Variants in ACSS3 observed in about 807,000 individuals in gnomAD.
ACSS3 encodes the protein acyl-CoA synthetase short chain family member 3.
ACSS3 carries 64 observed loss-of-function variants against 84.2 expected under a neutral mutation model. The observed-to-expected ratio is 0.76, with a 90% CI of 0.62 to 0.94. ACSS3 has a LOEUF of 0.94. Among genes scored for constraint, ACSS3 ranks in the 40% least tolerant of loss-of-function variants. The probability of loss-of-function intolerance (pLI) is 0.00; values close to 1 mark genes in which losing one functional copy is unlikely to be tolerated. For missense variants in ACSS3, 815 were observed against 867.6 expected (o/e 0.94, Z 0.76); for synonymous variants, 317 against 310.1 (o/e 1.02, Z -0.23).
intron 8 of ACSS3, among the ~76,000 whole-genome samples, chr12:81,175,255 A>G (rs1354285840): frequency 6.6e-6 from 1 of 152,188 alleles, no homozygotes; most frequent in Non-Finnish European, 1.5e-5. Context: ...ATAGATGGAT[A>G]CAGATGTACT....
intron 2 of ACSS3, among the ~76,000 whole-genome samples, chr12:81,112,761 G>A (rs1196499404): frequency 2.0e-5 from 3 of 152,148 alleles, no homozygotes; most frequent in South Asian, 2.1e-4. Flanking sequence ...ACGAAAAGAA[G>A]TGCCTTTGTA....
intron 1 of ACSS3, among the ~76,000 whole-genome samples, chr12:81,092,532 G>A (rs909604891): frequency 6.6e-6 from 1 of 152,142 alleles, no homozygotes; most frequent in Non-Finnish European, 1.5e-5. Context: ...TTGGTGAACA[G>A]TGGCCATTTT....
chr12:81,259,363 TGCCTAGTATATTACAATAAA>T lies in ACSS3; in HGVS notation c.*4442_*4461del. ...AAAGAAATGCACGGTAATACATAAA[TGCCTAGTATATTACAATAAA>T]ACATGAAAAACAACTGGCTTCATTT... On this transcript the variant is annotated 3_prime_UTR_variant, in exon 16 of 16. Coordinates refer to ENST00000548058, the MANE Select transcript of ACSS3 (RefSeq NM_024560.4). The T allele has an allele frequency of 1.7e-6, 1 of 579,666 alleles. No individual in the cohort carries two copies. The highest frequency in any genetic ancestry group is 3.2e-6 in the Non-Finnish European group (1 of 316,380). The allele number at this position is 579,666 out of a possible 1,614,324, so 35.9% of individuals were successfully genotyped here. A position where few individuals can be genotyped will look rare whatever the true frequency, so the allele number is the denominator to read the frequency against.
chr12:81,141,816 C>T (rs1184720421), intron 4 of ACSS3, among the ~76,000 whole-genome samples: 1 of 152,104 alleles, frequency 6.6e-6, no homozygotes, highest in Non-Finnish European at 1.5e-5. Flanking sequence ...ATGATTTGGT[C>T]ATAGTCAACT....
rs376580084 is a variant in ACSS3, at chr12:81,139,279, T to C, written c.780+14T>C. ...CGTCCAAATATGGTAATCTGAATATTGAATTTGGTTCTTGCTTATGGTAAT... is the reference window on the plus strand; with the variant it reads ...CGTCCAAATATGGTAATCTGAATATCGAATTTGGTTCTTGCTTATGGTAAT... On this transcript the variant is annotated intron_variant, in intron 4 of 15. Coordinates refer to ENST00000548058, the MANE Select transcript of ACSS3 (RefSeq NM_024560.4). 5 of 1,613,100 alleles carry C rather than the reference T, an allele frequency of 3.1e-6. No homozygotes were observed. Among genetic ancestry groups the C allele is most frequent in the Non-Finnish European group, 4.2e-6 (5 of 1,179,402 alleles).
intron 2 of ACSS3, among the ~76,000 whole-genome samples, chr12:81,114,950 C>T (rs1883913706): frequency 6.6e-6 from 1 of 152,242 alleles, no homozygotes; most frequent in African/African-American, 2.4e-5. Context: ...GCTATTCAGA[C>T]ATCTAAAGGT....
chr12:81,253,770 C>T, intron 15 of ACSS3, 100 bp downstream of exon 15: 3 of 1,216,866 alleles, frequency 2.5e-6, no homozygotes, highest in Non-Finnish European at 3.5e-6. Context: ...ATGTGAATTG[C>T]ATCTCTAGAA....
chr12:81,174,625 T>G, intron 7 of ACSS3, 163 bp from the exon 8 acceptor site: 1 of 679,044 alleles, frequency 1.5e-6, no homozygotes, highest in Non-Finnish European at 2.3e-6. Flanking sequence ...TGCCTGGGTA[T>G]TTGGTTTGCT....
chr12:81,118,801 G>A (rs1315168273), intron 2 of ACSS3, among the ~76,000 whole-genome samples: 1 of 152,178 alleles, frequency 6.6e-6, no homozygotes, highest in African/African-American at 2.4e-5. Context: ...GATTTAGGCA[G>A]TGGGGCCATA....
At chr12:81,235,277 T>C (rs1450298354) in intron 13 of ACSS3, among the ~76,000 whole-genome samples, 3 of 151,186 alleles carry the variant, frequency 2.0e-5, no homozygotes, top group African/African-American at 7.3e-5. Context: ...TTCATTGATC[T>C]ATGTTTTTTT....
intron 7 of ACSS3, among the ~76,000 whole-genome samples, chr12:81,152,474 T>G (rs1425165303): frequency 6.6e-6 from 1 of 152,162 alleles, no homozygotes; most frequent in African/African-American, 2.4e-5. Flanking sequence ...CAAAGTCATG[T>G]TGTCTCAATT....
At chr12:81,086,753 C>A (rs958371974) in intron 1 of ACSS3, among the ~76,000 whole-genome samples, 1 of 152,012 alleles carries the variant, frequency 6.6e-6, no homozygotes. Flanking sequence ...ATTCTACTTT[C>A]ATAAGCAACA....
intron 9 of ACSS3, among the ~76,000 whole-genome samples, chr12:81,202,198 G>A (rs1318738312): frequency 1.4e-4 from 22 of 152,058 alleles, no homozygotes. Flanking sequence ...AGAATGGCAT[G>A]AACCTGGGAA....
In ACSS3 at chr12:81,250,065, T is replaced by A. The variant is rs183221182; in HGVS notation, c.1720-3242T>A. On this transcript the variant is annotated intron_variant, in intron 13 of 15. Coordinates refer to ENST00000548058, the MANE Select transcript of ACSS3 (RefSeq NM_024560.4). ...TGCCTTTTAAGTTCCATGACTTTTT[T>A]AGGTACTTAAATGCCAGTTAATCAC... Among the ~76,000 whole-genome samples the A allele has an allele frequency of 2.3e-3, 350 of 152,212 alleles. 3 individuals carry two copies. Among genetic ancestry groups the A allele is most frequent in the African/African-American group, 7.9e-3 (328 of 41,558 alleles).
intron 8 of ACSS3, among the ~76,000 whole-genome samples, chr12:81,198,875 A>G (rs1191733885): frequency 6.6e-6 from 1 of 152,230 alleles, no homozygotes; most frequent in Admixed American, 6.5e-5. Context: ...TCTTTATCAT[A>G]GGATCTCACA....
chr12:81,179,296 G>GA lies in ACSS3; in HGVS notation c.1250+4367dup, dbSNP rs1269398997. 2.8e-4 allele frequency among the ~76,000 whole-genome samples: 32 copies of GA among 115,942 alleles called. 1 individual carries two copies. The highest frequency in any genetic ancestry group is 5.8e-3 in the Middle Eastern group (1 of 172). 76.1% of individuals were successfully genotyped at this position (115,942 alleles called of 152,430 possible). On this transcript the variant is annotated intron_variant, in intron 8 of 15. Transcript: ENST00000548058. ...CAAAAAAAAAAAAAAAAAAGAAAAA[G>GA]AAAAAAAAAACACAAAAAAAACCCA... is the stretch of plus-strand genomic sequence containing the variant.
chr12:81,105,606 A>G (rs1882921356), intron 1 of ACSS3, among the ~76,000 whole-genome samples: 1 of 152,120 alleles, frequency 6.6e-6, no homozygotes, highest in South Asian at 2.1e-4. Flanking sequence ...TTCCCTAGTT[A>G]CTCTGTCTGG....
intron 8 of ACSS3, among the ~76,000 whole-genome samples, chr12:81,198,653 AT>A (rs2031960277): frequency 6.6e-6 from 1 of 151,482 alleles, no homozygotes; most frequent in African/African-American, 2.4e-5. Context: ...GGTCAACACA[AT>A]TGTATTTTCC....
At position 81,259,271 on chromosome 12, in the gene ACSS3, T is replaced by C. The variant is rs985301832; in HGVS notation, c.*4349T>C. 1 of 325,900 alleles carries C rather than the reference T, an allele frequency of 3.1e-6. No individual in the cohort carries two copies. Among genetic ancestry groups the C allele is most frequent in the South Asian group, 2.8e-5 (1 of 35,592 alleles). The allele number at this position is 325,900 out of a possible 1,614,324, so 20.2% of individuals were successfully genotyped here. A position where few individuals can be genotyped will look rare whatever the true frequency, so the allele number is the denominator to read the frequency against. On this transcript the variant is annotated 3_prime_UTR_variant, in exon 16 of 16. Coordinates refer to ENST00000548058, the MANE Select transcript of ACSS3 (RefSeq NM_024560.4). The stretch of plus-strand genomic sequence containing the variant: ...TCAAATGTTTGCACTCGAGACTCCA[T>C]GAACCATATATTTTATTTTTTAAAA...
Sources: gnomAD v4.1 joint callset for allele counts (sites outside exome capture counted in the v4.1 genomes callset) on GRCh38, gnomAD v4.1.1 for gene constraint, MANE v1.5 for transcripts, NCBI Gene and HGNC (gene_info 2026-07-23, HGNC 2026-07-21) for gene names.